The following STX17 variants were observed in gnomAD, a reference collection of about 807,000 sequenced individuals.
The protein encoded by STX17 is syntaxin-17.
A neutral mutation model predicts 35.9 loss-of-function variants in STX17; 29 were observed. The ratio of observed to expected loss-of-function variants is 0.81; its 90% CI spans 0.60 to 1.10. The LOEUF (loss-of-function observed/expected upper bound fraction) is 1.10. STX17 is among the 50% of genes least tolerant of loss of function. The probability of loss-of-function intolerance (pLI) is 0.00; values close to 1 mark genes in which losing one functional copy is unlikely to be tolerated. For missense variants in STX17, 312 were observed against 352.3 expected (o/e 0.89, Z 0.92); for synonymous variants, 92 against 118.3 (o/e 0.78, Z 1.44).
chr9:99,911,639 A>G lies in STX17; in HGVS notation c.-62-3539A>G, dbSNP rs115982823. Reference sequence around the variant, plus strand: ...CACTGTGTTGCCTAGGCTGTAGTGTAGTAGTAAGAACACTGTTTCTTGCAG... The same window carrying G: ...CACTGTGTTGCCTAGGCTGTAGTGTGGTAGTAAGAACACTGTTTCTTGCAG... On this transcript the variant is annotated intron_variant, in intron 1 of 7. Coordinates refer to ENST00000259400, the MANE Select transcript of STX17 (RefSeq NM_017919.3). Among the ~76,000 whole-genome samples, 256 of 152,188 alleles carry G rather than the reference A, an allele frequency of 1.7e-3. 2 individuals are homozygous for G. The highest frequency in any genetic ancestry group is 6.0e-3 in the African/African-American group (248 of 41,514).
intron 3 of STX17, among the ~76,000 whole-genome samples, chr9:99,946,720 AC>A (rs981700644): frequency 5.3e-4 from 81 of 152,314 alleles, no homozygotes; most frequent in African/African-American, 1.9e-3. Flanking sequence ...TTTTTATTTT[AC>A]CTGTGGTCTT....
intron 2 of STX17, among the ~76,000 whole-genome samples, chr9:99,921,349 G>C (rs994342635): frequency 5.9e-5 from 9 of 151,872 alleles, no homozygotes; most frequent in African/African-American, 2.2e-4. Context: ...TACATGTATT[G>C]AATCAGATCA....
chr9:99,940,682 T>C (rs1829337890), intron 3 of STX17, among the ~76,000 whole-genome samples: 2 of 151,868 alleles, frequency 1.3e-5, no homozygotes, highest in Admixed American at 1.3e-4. Context: ...GGTTTCTTCA[T>C]GTTGTCCAGA....
chr9:99,949,746 T>A (rs186967188), intron 3 of STX17, among the ~76,000 whole-genome samples: 134 of 152,142 alleles, frequency 8.8e-4, no homozygotes, highest in African/African-American at 3.1e-3. Flanking sequence ...CTTTTCTTAC[T>A]TTGATTATTT....
chr9:99,951,040 A>G lies in STX17; in HGVS notation c.190-20A>G, dbSNP rs775079821. The G allele has an allele frequency of 3.5e-5, 55 of 1,580,690 alleles. No individual in the cohort carries two copies. The highest frequency in any genetic ancestry group is 7.4e-5 in the Admixed American group (4 of 53,832). On this transcript the variant is annotated intron_variant, in intron 3 of 7. Coordinates refer to ENST00000259400, the MANE Select transcript of STX17 (RefSeq NM_017919.3). ...CTTATACTAAGAAATGGTGGCATTA[A>G]TGATTTTTTTCTTTTATAGCAACTC...
intron 3 of STX17, among the ~76,000 whole-genome samples, chr9:99,931,320 T>TC (rs1004923532): frequency 8.4e-5 from 5 of 59,302 alleles, no homozygotes; most frequent in African/African-American, 3.6e-4. Context: ...TGTTTTTTTG[T>TC]TTTTTCCCTC....
chr9:99,963,960 G>T (rs1829870664), intron 6 of STX17, among the ~76,000 whole-genome samples: 1 of 152,098 alleles, frequency 6.6e-6, no homozygotes, highest in Non-Finnish European at 1.5e-5. Flanking sequence ...TCTAAGATTA[G>T]AACTTGGCCT....
chr9:99,954,732 A>G (rs1829673721), intron 4 of STX17, among the ~76,000 whole-genome samples: 1 of 152,094 alleles, frequency 6.6e-6, no homozygotes, highest in Admixed American at 6.6e-5. Flanking sequence ...ATCTGATTCT[A>G]AATAAATTGG....
chr9:99,958,260 A>G (rs1322398321), intron 4 of STX17, among the ~76,000 whole-genome samples: 1 of 151,646 alleles, frequency 6.6e-6, no homozygotes, highest in Non-Finnish European at 1.5e-5. Flanking sequence ...ATTTCTGTTC[A>G]CCCTCAGGCT....
chr9:99,952,985 A>G (rs1829633932), intron 4 of STX17, among the ~76,000 whole-genome samples: 1 of 152,034 alleles, frequency 6.6e-6, no homozygotes, highest in Non-Finnish European at 1.5e-5. Flanking sequence ...TATGTAACTA[A>G]CCTGCACATT....
Position 99,970,634 on chromosome 9 carries a change from T to G in STX17, c.*1961T>G, listed in dbSNP as rs1247542236. The stretch of plus-strand genomic sequence containing the variant: ...TAATTCTGACATCACCCGTCCAGCA[T>G]AGTCAGCTGAAATTATAAATCTAAG... On this transcript the variant is annotated 3_prime_UTR_variant, in exon 8 of 8. Coordinates refer to ENST00000259400, the MANE Select transcript of STX17 (RefSeq NM_017919.3). 1.3e-5 allele frequency among the ~76,000 whole-genome samples: 2 copies of G among 152,192 alleles called. No homozygotes were observed. The highest frequency in any genetic ancestry group is 3.8e-4 in the East Asian group (2 of 5,196).
At chr9:99,967,813 C>T in intron 7 of STX17, 74 bp downstream of exon 7, 1 of 1,275,810 alleles carries the variant, frequency 7.8e-7, no homozygotes, top group East Asian at 2.3e-5. Flanking sequence ...CCCAATTGAT[C>T]TGCTCTCTTC....
chr9:99,922,978 T>A (rs1828916964), intron 2 of STX17, among the ~76,000 whole-genome samples: 1 of 152,206 alleles, frequency 6.6e-6, no homozygotes, highest in Non-Finnish European at 1.5e-5. Context: ...CTGGTGGAAC[T>A]TTTCAAGTGA....
At position 99,959,386 on chromosome 9, in the gene STX17, C is replaced by A. The variant is rs867332362; in HGVS notation, c.416-531C>A. Among the ~76,000 whole-genome samples the A allele has an allele frequency of 8.1e-3, 845 of 103,942 alleles. 6 individuals are homozygous for A. Among genetic ancestry groups the A allele is most frequent in the African/African-American group, 0.024 (691 of 28,808 alleles). 68.2% of individuals were successfully genotyped at this position (103,942 alleles called of 152,430 possible). On this transcript the variant is annotated intron_variant, in intron 4 of 7. Coordinates refer to ENST00000259400, the MANE Select transcript of STX17 (RefSeq NM_017919.3). ...AGCAAGACTGTGTGTCAATTAAAAA[C>A]AAAAAAAAAAATTTTAGAAAAAAAA...
chr9:99,917,267 CT>C (rs142879781), intron 2 of STX17, among the ~76,000 whole-genome samples: 122 of 151,886 alleles, frequency 8.0e-4, no homozygotes, highest in African/African-American at 2.7e-3. Context: ...ATAAAAGTGA[CT>C]TTTTTTTATC....
At chr9:99,959,466 T>TC (rs1339048629) in intron 4 of STX17, among the ~76,000 whole-genome samples, 3 of 149,898 alleles carry the variant, frequency 2.0e-5, no homozygotes, top group Non-Finnish European at 4.5e-5. Flanking sequence ...CTTTTTTTTT[T>TC]TTTTTTTTTT....
At position 99,969,391 on chromosome 9, in the gene STX17, A is replaced by T. The variant is rs1385116731; in HGVS notation, c.*718A>T. ...CAGCCTGTCTTCTAACACCTCAAAG[A>T]TCTTGTGCCCTGTGCTGTCCCTCCC... On this transcript the variant is annotated 3_prime_UTR_variant, in exon 8 of 8. Transcript: ENST00000259400. 6.6e-6 allele frequency: 1 copy of T among 152,114 alleles called. No homozygotes were observed. Among genetic ancestry groups the T allele is most frequent in the Non-Finnish European group, 1.5e-5 (1 of 68,040 alleles). The allele number at this position is 152,114 out of a possible 1,614,324, so 9.4% of individuals were successfully genotyped here.
rs1236539144 is a variant in STX17, at chr9:99,951,255, C to T, written c.385C>T (p.Pro129Ser). The T allele has an allele frequency of 2.5e-6, 4 of 1,612,604 alleles. No individual in the cohort carries two copies. The highest frequency in any genetic ancestry group is 2.5e-6 in the Non-Finnish European group (3 of 1,178,968). Residue 129 changes from proline to serine, a missense_variant, in exon 4 of 8, where the codon CCT (proline) becomes TCT (serine). Coordinates refer to ENST00000259400, the MANE Select transcript of STX17 (RefSeq NM_017919.3). ...TAATGATGAAGAAACTTTGCTACAG[C>T]CTCCTTTGACCAGATCCATGACTGT... The part of the protein sequence containing the change: ...QFNDEETLLQ[P>S]PLTRSMTVGG...
At chr9:99,911,254 T>A (rs10114697) in intron 1 of STX17, among the ~76,000 whole-genome samples, 104,624 of 151,898 alleles carry the variant, frequency 0.69, 36,307 homozygotes, top group African/African-American at 0.72. Context: ...GCCAGGATGG[T>A]CTCGATCTCC....
Sources: gnomAD v4.1 joint callset for allele counts (sites outside exome capture counted in the v4.1 genomes callset) on GRCh38, gnomAD v4.1.1 for gene constraint, MANE v1.5 for transcripts, NCBI Gene and HGNC (gene_info 2026-07-23, HGNC 2026-07-21) for gene names.